The following CFAP47 variants were observed in gnomAD, a reference collection of about 807,000 sequenced individuals.
The protein encoded by CFAP47 is cilia- and flagella-associated protein 47.
In CFAP47, 29 loss-of-function variants were observed where a neutral mutation model predicts 148.1. The ratio of observed to expected loss-of-function variants is 0.20; its 90% CI spans 0.15 to 0.27. The LOEUF is 0.27. Among genes scored for constraint, CFAP47 ranks in the 10% least tolerant of loss-of-function variants. The pLI is 1.00. For missense variants in CFAP47, 1,872 were observed against 1,697.5 expected (o/e 1.10, Z -1.81); for synonymous variants, 664 against 577.3 (o/e 1.15, Z -2.15).
At chrX:36,229,053 G>A (rs1940305511) in intron 46 of CFAP47, among the ~76,000 whole-genome samples, 2 of 111,060 alleles carry the variant, frequency 1.8e-5, no homozygotes. Context: ...TAACTCCAAT[G>A]TCCTTAATGT....
intron 1 of CFAP47, among the ~76,000 whole-genome samples, chrX:35,920,354 A>G (rs1935559222): frequency 8.9e-6 from 1 of 111,843 alleles, no homozygotes; most frequent in Non-Finnish European, 1.9e-5. Flanking sequence ...TGGTTTTATG[A>G]TTTTGCTGTT....
intron 54 of CFAP47, among the ~76,000 whole-genome samples, chrX:36,305,924 C>T (rs1941344467): frequency 9.0e-6 from 1 of 111,386 alleles, no homozygotes; most frequent in African/African-American, 3.3e-5. Context: ...TGACTGTGTT[C>T]TAAATATAAA....
At chrX:36,004,880 G>C (rs2146695690) in intron 21 of CFAP47, among the ~76,000 whole-genome samples, 1 of 111,257 alleles carries the variant, frequency 9.0e-6, no homozygotes, top group Non-Finnish European at 1.9e-5. Flanking sequence ...CAATACAGCT[G>C]TTAGAACTGT....
chrX:36,344,747 A>G (rs1941683272), intron 57 of CFAP47, among the ~76,000 whole-genome samples: 1 of 112,063 alleles, frequency 8.9e-6, no homozygotes, highest in East Asian at 2.8e-4. Context: ...AGGCTAAGTT[A>G]TAATTGCTAA....
At chrX:36,168,397 A>G (rs757142244) in intron 39 of CFAP47, among the ~76,000 whole-genome samples, 1 of 111,966 alleles carries the variant, frequency 8.9e-6, no homozygotes, top group East Asian at 2.8e-4. Context: ...ATGTAAAACA[A>G]TCTAACTCAG....
At position 35,941,279 on chromosome X, in the gene CFAP47, C is replaced by G; in HGVS notation, c.402-4C>G. On this transcript the variant is annotated splice_region_variant and splice_polypyrimidine_tract_variant and intron_variant, in intron 2 of 63. Transcript: ENST00000378653. ...ATTATGTGGCCTTCTTTTCTCCTCCCTAGGTTGATTCCATCCTGTCAATTG... is the reference window on the plus strand; with the variant it reads ...ATTATGTGGCCTTCTTTTCTCCTCCGTAGGTTGATTCCATCCTGTCAATTG... 2 of 1,085,608 alleles carry G rather than the reference C, an allele frequency of 1.8e-6. No homozygotes were observed. Among genetic ancestry groups the G allele is most frequent in the African/African-American group, 1.9e-5 (1 of 53,669 alleles). The allele number at this position is 1,085,608 out of a possible 1,213,427, so 89.5% of individuals were successfully genotyped here.
intron 57 of CFAP47, among the ~76,000 whole-genome samples, chrX:36,322,656 T>C (rs1230239540): frequency 2.7e-5 from 3 of 111,360 alleles, no homozygotes; most frequent in Non-Finnish European, 3.8e-5. Context: ...TTATAATTTC[T>C]ATTTTTCTTA....
chrX:36,364,117 T>C (rs1941850988), intron 61 of CFAP47, among the ~76,000 whole-genome samples: 1 of 111,205 alleles, frequency 9.0e-6, no homozygotes, highest in South Asian at 3.7e-4. Context: ...CAACTTAAAA[T>C]AAGAAATATC....
intron 3 of CFAP47, 94 bp from the exon 4 acceptor site, chrX:35,948,220 G>A (rs1455935201): frequency 2.5e-6 from 2 of 810,255 alleles, no homozygotes; most frequent in East Asian, 3.2e-5. Context: ...GGCAAGCTTG[G>A]TCTACTGGGT....
intron 57 of CFAP47, among the ~76,000 whole-genome samples, chrX:36,342,839 G>A (rs782099377): frequency 2.8e-4 from 31 of 111,210 alleles, no homozygotes; most frequent in African/African-American, 5.6e-4. Context: ...TGTGCTGAAC[G>A]TGCAGGTTTG....
chrX:35,970,853 C>T lies in CFAP47; in HGVS notation c.1900C>T (p.His634Tyr), dbSNP rs17852470. 6 of 1,186,308 alleles carry T rather than the reference C, an allele frequency of 5.1e-6. No individual in the cohort carries two copies. In the South Asian group the frequency reaches 1.1e-4, roughly 22 times the overall value. ...ATTTGAAAAACAGCAAAAGAAATTA[C>T]ATGAAAACTATTATGCAATGTATCT... ...TTFEKQQKKLHENYYAMYLKY... is the reference protein window; with the variant it reads ...TTFEKQQKKLYENYYAMYLKY... The change falls in exon 11 of 64, where the codon CAT (histidine) becomes TAT (tyrosine). Residue 634 changes from histidine to tyrosine, a missense_variant. Coordinates refer to ENST00000378653, the MANE Select transcript of CFAP47 (RefSeq NM_001304548.2).
At chrX:36,152,041 G>C (rs907698948) in intron 37 of CFAP47, among the ~76,000 whole-genome samples, 1 of 110,451 alleles carries the variant, frequency 9.1e-6, no homozygotes, top group Non-Finnish European at 1.9e-5. Flanking sequence ...TGAGAGCTCT[G>C]CTCTCATGAT....
chrX:36,341,057 G>A (rs1556015668), intron 57 of CFAP47, among the ~76,000 whole-genome samples: 2 of 96,282 alleles, frequency 2.1e-5, no homozygotes, highest in African/African-American at 3.9e-5. Flanking sequence ...TTTTTTTTGA[G>A]GCAAAGTCTC....
chrX:36,235,671 T>G (rs956759192), intron 46 of CFAP47, among the ~76,000 whole-genome samples: 3 of 112,199 alleles, frequency 2.7e-5, no homozygotes. Flanking sequence ...ATGAACCCGG[T>G]ACCTCAGATG....
rs1941713755 is a variant in CFAP47 at position 36,348,116 on chromosome X, G to T, written c.8444-13G>T. 3.2e-6 allele frequency: 3 copies of T among 949,590 alleles called. No homozygotes were observed. In the Admixed American group the frequency reaches 1.6e-4, roughly 52 times the overall value. 78.3% of individuals were successfully genotyped at this position (949,590 alleles called of 1,213,427 possible). On this transcript the variant is annotated splice_polypyrimidine_tract_variant and intron_variant, in intron 57 of 63. Transcript: ENST00000378653. ...ATTTACCATATTAAAAATTATTTTT[G>T]TGTGTTTTACAGGAATTGCACTGCC...
chrX:36,108,993 C>T (rs1185230861), intron 33 of CFAP47, among the ~76,000 whole-genome samples: 3 of 110,726 alleles, frequency 2.7e-5, no homozygotes, highest in African/African-American at 6.6e-5. Context: ...CTGCTGTTCC[C>T]CTCTATGTGT....
chrX:35,945,851 TTTC>T (rs1468935883), intron 3 of CFAP47, among the ~76,000 whole-genome samples: 1 of 108,110 alleles, frequency 9.2e-6, no homozygotes, highest in African/African-American at 3.4e-5. Flanking sequence ...AACATTCTTT[TTTC>T]TTCTTCTTCT....
In CFAP47 at chrX:36,325,736, C is replaced by T. The variant is rs189285962; in HGVS notation, c.8443+6429C>T. On this transcript the variant is annotated intron_variant, in intron 57 of 63. Coordinates refer to ENST00000378653, the MANE Select transcript of CFAP47 (RefSeq NM_001304548.2). ...ATGCCAGGATTTTACACATCCCTCC[C>T]TCACCTTCCACATCAATTCATCATT... Among the ~76,000 whole-genome samples the T allele has an allele frequency of 1.9e-4, 21 of 111,261 alleles. No homozygotes were observed. In the East Asian group the frequency reaches 6.0e-3, roughly 32 times the overall value.
chrX:35,953,735 A>T lies in CFAP47; in HGVS notation c.1174+16A>T, dbSNP rs1435590321. The T allele has an allele frequency of 2.6e-6, 3 of 1,161,826 alleles. No homozygotes were observed. The East Asian group carries it at 9.1e-5, about 35-fold the overall frequency. ...ACCATCAAAAGTAAGTGTGAAATTA[A>T]CAAAATTATCAAATCCGTAGCCATT... On this transcript the variant is annotated intron_variant, in intron 7 of 63. Transcript: ENST00000378653.
Sources: allele counts gnomAD v4.1 joint callset (sites outside exome capture counted in the v4.1 genomes callset), GRCh38; gene constraint gnomAD v4.1.1; transcripts MANE v1.5; gene names NCBI Gene and HGNC (gene_info 2026-07-23, HGNC 2026-07-21).